Variants in RBFOX3 observed in about 807,000 individuals in gnomAD.
RBFOX3 encodes RNA binding fox-1 homolog 3.
Under a neutral mutation model 48.7 loss-of-function variants are expected in RBFOX3, and 17 were observed. The ratio of observed to expected loss-of-function variants is 0.35; its 90% confidence interval spans 0.24 to 0.52. RBFOX3 has a LOEUF of 0.52. Among genes scored for constraint, RBFOX3 ranks in the 20% least tolerant of loss-of-function variants. The probability of loss-of-function intolerance (pLI) is 0.94; values close to 1 mark genes in which losing one functional copy is unlikely to be tolerated. For synonymous variants in RBFOX3, 212 were observed against 209.5 expected, an observed-to-expected ratio of 1.01 and a Z score of -0.10; for missense variants, 382 against 497.5, an observed-to-expected ratio of 0.77 and a Z score of 2.21.
chr17:79,303,089 G>T (rs1264829150), intron 3 of RBFOX3, among the ~76,000 whole-genome samples: 3 of 151,754 alleles, frequency 2.0e-5, no homozygotes, highest in Admixed American at 6.6e-5. Context: ...TGCACCTGTG[G>T]TCCCAGCTAC....
At chr17:79,265,279 G>C (rs2066504635) in intron 3 of RBFOX3, among the ~76,000 whole-genome samples, 1 of 152,212 alleles carries the variant, frequency 6.6e-6, no homozygotes, top group Admixed American at 6.5e-5. Flanking sequence ...CCTCCCCGAA[G>C]CCGGCCCTGG....
intron 4 of RBFOX3, among the ~76,000 whole-genome samples, chr17:79,187,208 C>T (rs901748124): frequency 6.6e-6 from 1 of 152,202 alleles, no homozygotes; most frequent in African/African-American, 2.4e-5. Flanking sequence ...TTTGGAAATT[C>T]CCAAGGTGGC....
chr17:79,232,769 C>T (rs1177092447), intron 4 of RBFOX3, among the ~76,000 whole-genome samples: 1 of 152,154 alleles, frequency 6.6e-6, no homozygotes, highest in Non-Finnish European at 1.5e-5. Flanking sequence ...AATAGATTCT[C>T]AACATCATTA....
At chr17:79,644,339 T>C in the RBFOX3 span, among the ~76,000 whole-genome samples, 4 of 152,046 alleles carry the variant, frequency 2.6e-5, no homozygotes. Context: ...AACATAACTA[T>C]GATATCAAAA....
At position 79,537,229 on chromosome 17, in the gene RBFOX3, C is replaced by T. The variant is rs140294657; in HGVS notation, c.-319-54631G>A. Reference sequence around the variant, plus strand: ...CCTCCAGATTCTAAGGCTCCTCCCTCGCCCCTTCCGGCTTCTGGCATTGCC... The same window carrying T: ...CCTCCAGATTCTAAGGCTCCTCCCTTGCCCCTTCCGGCTTCTGGCATTGCC... On this transcript the variant is annotated intron_variant, in intron 1 of 14. Coordinates refer to ENST00000693108, the MANE Select transcript of RBFOX3 (RefSeq NM_001350451.2). Among the ~76,000 whole-genome samples the T allele has an allele frequency of 1.3e-3, 194 of 152,306 alleles. 1 individual carries two copies. Among genetic ancestry groups the T allele is most frequent in the African/African-American group, 4.2e-3 (174 of 41,576 alleles).
At chr17:79,315,187 G>T (rs1478780496) in intron 2 of RBFOX3, among the ~76,000 whole-genome samples, 1 of 152,138 alleles carries the variant, frequency 6.6e-6, no homozygotes, top group Non-Finnish European at 1.5e-5. Context: ...AATGGATGAC[G>T]TACACGATGG....
At chr17:79,468,589 T>G (rs1041160674) in intron 2 of RBFOX3, among the ~76,000 whole-genome samples, 3 of 150,196 alleles carry the variant, frequency 2.0e-5, no homozygotes, top group African/African-American at 7.4e-5. Flanking sequence ...AATGAATGAA[T>G]GGATGGATGG....
chr17:79,481,384 C>G lies in RBFOX3; in HGVS notation c.-175+1070G>C, dbSNP rs916868930. On this transcript the variant is annotated intron_variant, in intron 2 of 14. Transcript: ENST00000693108. The surrounding 1 kb of genome is among the most constrained non-coding windows in gnomAD (Gnocchi z 5.4). ...TCATGGGGGTTTAAGAAAGAATTCACCTGGTGTCTGTCCCTGGTTCCTGGG... is the reference window on the plus strand; with the variant it reads ...TCATGGGGGTTTAAGAAAGAATTCAGCTGGTGTCTGTCCCTGGTTCCTGGG... Among the ~76,000 whole-genome samples the G allele has an allele frequency of 3.9e-5, 6 of 152,146 alleles. No homozygotes were observed. Among genetic ancestry groups the G allele is most frequent in the African/African-American group, 1.4e-4 (6 of 41,432 alleles).
chr17:79,159,122 G>A lies in RBFOX3; in HGVS notation c.-33-43374C>T, dbSNP rs375369958. Among the ~76,000 whole-genome samples the A allele has an allele frequency of 8.6e-5, 13 of 151,968 alleles. 1 individual carries two copies. Among genetic ancestry groups the A allele is most frequent in the African/African-American group, 2.4e-4 (10 of 41,556 alleles). On this transcript the variant is annotated intron_variant, in intron 4 of 14. Coordinates refer to ENST00000693108, the MANE Select transcript of RBFOX3 (RefSeq NM_001350451.2). The stretch of plus-strand genomic sequence containing the variant: ...GCAAGAGGGCATCTCTGTGGCAGGT[G>A]GGTAGTGGGAGTTAGTGTGAGTTGG...
chr17:79,599,974 T>G (rs2073958883), intron 1 of RBFOX3: 1 of 152,212 alleles, frequency 6.6e-6, no homozygotes, highest in African/African-American at 2.4e-5. Flanking sequence ...TGCTGGCATC[T>G]CATTTCCACA....
intron 1 of RBFOX3, among the ~76,000 whole-genome samples, chr17:79,570,408 T>C (rs2092631962): frequency 6.6e-6 from 1 of 151,882 alleles, no homozygotes; most frequent in South Asian, 2.1e-4. Context: ...AGAAGATAGA[T>C]AGATGGATTA....
At position 79,315,092 on chromosome 17, in the gene RBFOX3, A is replaced by T. The variant is rs1598220004; in HGVS notation, c.-174-7268T>A. Among the ~76,000 whole-genome samples the T allele has an allele frequency of 2.6e-5, 4 of 152,316 alleles. No individual in the cohort carries two copies. In the South Asian group the frequency reaches 8.3e-4, roughly 32 times the overall value. On this transcript the variant is annotated intron_variant, in intron 2 of 14. Coordinates refer to ENST00000693108, the MANE Select transcript of RBFOX3 (RefSeq NM_001350451.2). Reference sequence around the variant, plus strand: ...GAGAGACCCTGATTATACATGCGTGACACAAAGCTGGTGTCAAAGCACAGT... The same window carrying T: ...GAGAGACCCTGATTATACATGCGTGTCACAAAGCTGGTGTCAAAGCACAGT...
At chr17:79,138,038 G>A (rs374939529) in intron 4 of RBFOX3, among the ~76,000 whole-genome samples, 1 of 152,186 alleles carries the variant, frequency 6.6e-6, no homozygotes, top group Non-Finnish European at 1.5e-5. Context: ...GCCAAGCACT[G>A]TCTCCGTCAC....
At chr17:79,446,670 CCTGT>C (rs1400639802) in intron 2 of RBFOX3, among the ~76,000 whole-genome samples, 1 of 152,206 alleles carries the variant, frequency 6.6e-6, no homozygotes, top group Non-Finnish European at 1.5e-5. Context: ...TTCTGCATAA[CCTGT>C]CTCTTAATTT....
At chr17:79,537,122 A>C (rs10048201) in intron 1 of RBFOX3, among the ~76,000 whole-genome samples, 1,471 of 99,742 alleles carry the variant, frequency 0.015, 20 homozygotes, top group African/African-American at 0.058. Flanking sequence ...AAAAACAAAA[A>C]AAAAAAAAAC....
At chr17:79,167,210 G>T (rs1263557068) in intron 4 of RBFOX3, among the ~76,000 whole-genome samples, 1 of 152,174 alleles carries the variant, frequency 6.6e-6, no homozygotes, top group Non-Finnish European at 1.5e-5. Context: ...CCAGGCACAT[G>T]GCCAAGAACA....
At chr17:79,341,302 CAT>C (rs1476758869) in intron 2 of RBFOX3, among the ~76,000 whole-genome samples, 8 of 152,212 alleles carry the variant, frequency 5.3e-5, no homozygotes, top group African/African-American at 1.9e-4. Context: ...GTTCATGTCT[CAT>C]GTGTGTATGC....
chr17:79,095,304 C>T (rs1423834114), intron 13 of RBFOX3, among the ~76,000 whole-genome samples: 1 of 152,198 alleles, frequency 6.6e-6, no homozygotes, highest in East Asian at 1.9e-4. Flanking sequence ...GTTTCCACAG[C>T]CTCCCCATGG....
chr17:79,167,383 G>T (rs1057030858), intron 4 of RBFOX3, among the ~76,000 whole-genome samples: 1 of 152,132 alleles, frequency 6.6e-6, no homozygotes, highest in African/African-American at 2.4e-5. Context: ...CTCCCTCTGG[G>T]GTCTCTATCA....
Sources: allele counts gnomAD v4.1 joint callset (sites outside exome capture counted in the v4.1 genomes callset), GRCh38; gene constraint gnomAD v4.1.1; non-coding constraint Gnocchi (gnomAD v3.1); transcripts MANE v1.5; gene names NCBI Gene and HGNC (gene_info 2026-07-23, HGNC 2026-07-21).